PLEKHG1: variants seen among roughly 807,000 people sequenced by gnomAD.
The protein encoded by PLEKHG1 is pleckstrin homology and RhoGEF domain containing G1.
Under a neutral mutation model 100.8 loss-of-function variants are expected in PLEKHG1, and 44 were observed. The ratio of observed to expected loss-of-function variants is 0.44; its 90% CI spans 0.34 to 0.56. The LOEUF is 0.56. Among genes scored for constraint, PLEKHG1 ranks in the 20% least tolerant of loss-of-function variants. PLEKHG1 has a pLI of 0.01. For missense variants in PLEKHG1, 1,545 were observed against 1,720.9 expected, an observed-to-expected ratio of 0.90 and a Z score of 1.81; for synonymous variants, 640 against 662.5, an observed-to-expected ratio of 0.97 and a Z score of 0.52.
At chr6:150,689,761 A>G (rs1780272791) in intron 3 of PLEKHG1, among the ~76,000 whole-genome samples, 1 of 151,912 alleles carries the variant, frequency 6.6e-6, no homozygotes, top group South Asian at 2.1e-4. Flanking sequence ...AGGCTGAGGC[A>G]GGAGAATCAC....
At chr6:150,839,542 A>G (rs1016646347) in intron 15 of PLEKHG1, among the ~76,000 whole-genome samples, 17 of 152,220 alleles carry the variant, frequency 1.1e-4, no homozygotes, top group African/African-American at 4.1e-4. Flanking sequence ...AGAACACTAG[A>G]AACTTTCATT....
At chr6:150,752,205 T>C (rs1000249266) in intron 2 of PLEKHG1, among the ~76,000 whole-genome samples, 6 of 152,008 alleles carry the variant, frequency 3.9e-5, no homozygotes, top group Non-Finnish European at 7.4e-5. Context: ...TAAAATAAAA[T>C]ATATTGTCTG....
At chr6:150,698,648 CTG>C (rs2128597336) in intron 3 of PLEKHG1, among the ~76,000 whole-genome samples, 1 of 152,290 alleles carries the variant, frequency 6.6e-6, no homozygotes, top group African/African-American at 2.4e-5. Context: ...TGTAACGCAA[CTG>C]TAGGCCAGAC....
chr6:150,839,982 G>T (rs1489478387), exon 16 of PLEKHG1: 1 of 1,614,036 alleles, frequency 6.2e-7, no homozygotes, highest in Non-Finnish European at 8.5e-7. Flanking sequence ...TGGTAGTGGA[G>T]ACTGGCTTCT....
intron 2 of PLEKHG1, among the ~76,000 whole-genome samples, chr6:150,638,415 A>G (rs1453141689): frequency 1.3e-5 from 2 of 152,094 alleles, no homozygotes; most frequent in African/African-American, 4.8e-5. Flanking sequence ...AGGTTCTGGA[A>G]CACCACCCCT....
intron 2 of PLEKHG1, among the ~76,000 whole-genome samples, chr6:150,747,386 A>G (rs895573221): frequency 1.3e-5 from 2 of 152,222 alleles, no homozygotes; most frequent in Non-Finnish European, 2.9e-5. Flanking sequence ...TGTAACACGT[A>G]GAACAGGAAA....
At chr6:150,800,581 C>T in intron 5 of PLEKHG1, 138 bp from the exon 7 acceptor site, 1 of 750,202 alleles carries the variant, frequency 1.3e-6, no homozygotes, top group East Asian at 2.7e-5. Flanking sequence ...TCCAATTTGC[C>T]TAAAGGCATG....
At chr6:150,761,099 CTTTTTTTTTT>C (rs35068801) in intron 2 of PLEKHG1, among the ~76,000 whole-genome samples, 3 of 95,950 alleles carry the variant, frequency 3.1e-5, no homozygotes, top group Non-Finnish European at 5.9e-5. Context: ...TTCTTTTTTT[CTTTTTTTTTT>C]TTTTTTTTTT....
chr6:150,664,360 G>C (rs1287752150), intron 3 of PLEKHG1: 1 of 152,248 alleles, frequency 6.6e-6, no homozygotes, highest in Non-Finnish European at 1.5e-5. Context: ...TAGGGCTGGG[G>C]ATGGCTTAGC....
chr6:150,821,273 A>G, intron 13 of PLEKHG1, 40 bp downstream of exon 14: 2 of 1,322,124 alleles, frequency 1.5e-6, no homozygotes, highest in Non-Finnish European at 2.2e-6. Flanking sequence ...ATTCTTGTTG[A>G]TATTCACTAA....
intron 3 of PLEKHG1, among the ~76,000 whole-genome samples, chr6:150,701,909 T>C (rs186374423): frequency 2.0e-5 from 3 of 152,320 alleles, no homozygotes; most frequent in African/African-American, 7.2e-5. Flanking sequence ...CCAAGCATTA[T>C]GTCATTTAAA....
intron 12 of PLEKHG1, among the ~76,000 whole-genome samples, chr6:150,820,196 G>A (rs935251121): frequency 2.0e-4 from 31 of 151,608 alleles, no homozygotes; most frequent in Non-Finnish European, 2.1e-4. Context: ...GCGACAGAGT[G>A]AGACTCTGTC....
intron 14 of PLEKHG1, 38 bp from the exon 16 acceptor site, chr6:150,830,544 G>A: frequency 6.9e-7 from 1 of 1,448,776 alleles, no homozygotes; most frequent in Non-Finnish European, 9.5e-7. Flanking sequence ...CTTCTCCATG[G>A]TGCTGTGATT....
At chr6:150,695,438 T>C (rs185732410) in intron 3 of PLEKHG1, among the ~76,000 whole-genome samples, 1 of 152,336 alleles carries the variant, frequency 6.6e-6, no homozygotes, top group African/African-American at 2.4e-5. Flanking sequence ...CAAACTAGGA[T>C]CCTAGGCTGT....
chr6:150,665,454 C>A (rs993207992), intron 3 of PLEKHG1, among the ~76,000 whole-genome samples: 1 of 151,960 alleles, frequency 6.6e-6, no homozygotes, highest in Admixed American at 6.6e-5. Context: ...CACGGTGAAA[C>A]CCTGTCTCTA....
intron 1 of PLEKHG1, among the ~76,000 whole-genome samples, chr6:150,633,634 A>G (rs1291131968): frequency 6.6e-6 from 1 of 152,204 alleles, no homozygotes; most frequent in East Asian, 1.9e-4. Context: ...GAGGTGGTGC[A>G]GAGGGTAGAA....
chr6:150,675,420 A>T (rs1170838664), intron 3 of PLEKHG1, among the ~76,000 whole-genome samples: 1 of 152,196 alleles, frequency 6.6e-6, no homozygotes, highest in Non-Finnish European at 1.5e-5. Context: ...ACACATGCTC[A>T]TCCATTCTTG....
At chr6:150,815,615 G>A (rs943106682) in intron 10 of PLEKHG1, among the ~76,000 whole-genome samples, 1 of 151,424 alleles carries the variant, frequency 6.6e-6, no homozygotes. Context: ...ATGTATGAGA[G>A]AGATAGCTAT....
At chr6:150,837,176 T>C (rs1777272569) in intron 15 of PLEKHG1, among the ~76,000 whole-genome samples, 1 of 151,972 alleles carries the variant, frequency 6.6e-6, no homozygotes, top group Non-Finnish European at 1.5e-5. Flanking sequence ...AAACATAAAA[T>C]GAAAATAAAG....
Sources: gnomAD v4.1 joint callset for allele counts (sites outside exome capture counted in the v4.1 genomes callset) on GRCh38, gnomAD v4.1.1 for gene constraint, MANE v1.5 for transcripts, NCBI Gene and HGNC (gene_info 2026-07-23, HGNC 2026-07-21) for gene names.